Variants in MFSD1 observed in about 807,000 individuals in gnomAD.
The protein encoded by MFSD1 is major facilitator superfamily domain containing 1.
MFSD1 carries 59 observed loss-of-function variants against 67.1 expected under a neutral mutation model. That is an observed-to-expected ratio of 0.88 (90% CI 0.71 to 1.09). The LOEUF is 1.09. MFSD1 is among the 50% of genes least tolerant of loss of function. The pLI is 0.00. For missense variants in MFSD1, 552 were observed against 566.1 expected (o/e 0.97, Z 0.25); for synonymous variants, 213 against 200.3 (o/e 1.06, Z -0.54).
At chr3:158,809,326 C>A in intron 6 of MFSD1, 39 bp downstream of exon 6, 2 of 1,287,094 alleles carry the variant, frequency 1.6e-6, no homozygotes, top group Non-Finnish European at 2.2e-6. Context: ...CAAATGGAAG[C>A]AAAAGATTAA....
At chr3:158,819,312 A>G (rs991020914) in intron 7 of MFSD1, among the ~76,000 whole-genome samples, 1 of 152,198 alleles carries the variant, frequency 6.6e-6, no homozygotes, top group Non-Finnish European at 1.5e-5. Flanking sequence ...CTTAGACTGA[A>G]TGAAGAAATG....
intron 1 of MFSD1, 74 bp from the exon 2 acceptor site, chr3:158,804,244 AT>A: frequency 9.6e-7 from 1 of 1,046,646 alleles, no homozygotes; most frequent in Non-Finnish European, 1.4e-6. Context: ...TAAAATTGTA[AT>A]TTCAGTAGCA....
At chr3:158,802,362 C>A (rs1404175799) in intron 1 of MFSD1, 47 bp downstream of exon 1, 2 of 1,604,862 alleles carry the variant, frequency 1.2e-6, no homozygotes, top group Admixed American at 1.7e-5. Flanking sequence ...GAATTCCCGA[C>A]TTTCTCTTCG....
chr3:158,824,536 T>C, intron 13 of MFSD1: 1 of 214,556 alleles, frequency 4.7e-6, no homozygotes, highest in African/African-American at 2.3e-5. Flanking sequence ...TTAATGTGAC[T>C]ATGTGGAAAC....
chr3:158,826,914 C>T (rs554949063), intron 14 of MFSD1, among the ~76,000 whole-genome samples: 33 of 152,126 alleles, frequency 2.2e-4, no homozygotes, highest in Admixed American at 3.3e-4. Flanking sequence ...GCAATCCTCC[C>T]GCCTTAGCCT....
chr3:158,820,374 G>C (rs1388242741), intron 9 of MFSD1, 48 bp downstream of exon 9: 2 of 1,256,276 alleles, frequency 1.6e-6, no homozygotes, highest in African/African-American at 2.9e-5. Context: ...ATTATCATGA[G>C]AGTTCAATCA....
Position 158,813,296 on chromosome 3 carries a change from C to T in MFSD1, c.550-669C>T, listed in dbSNP as rs542911278. Among the ~76,000 whole-genome samples the T allele has an allele frequency of 5.3e-4, 80 of 151,806 alleles. 1 individual carries two copies. In the Middle Eastern group the frequency reaches 0.01, roughly 19 times the overall value. ...CTGAGTAGCTGGGATTACAGGTGCCCGTCACCATGCCTGGCTAATTTTTGT... is the reference window on the plus strand; with the variant it reads ...CTGAGTAGCTGGGATTACAGGTGCCTGTCACCATGCCTGGCTAATTTTTGT... On this transcript the variant is annotated intron_variant, in intron 6 of 15. Transcript: ENST00000415822.
At chr3:158,824,615 G>A (rs1045703439) in intron 13 of MFSD1, 8 of 155,614 alleles carry the variant, frequency 5.1e-5, no homozygotes, top group African/African-American at 1.7e-4. Context: ...TTTATTTTTA[G>A]TCCGTAATTT....
At chr3:158,814,761 A>C (rs916265111) in intron 7 of MFSD1, among the ~76,000 whole-genome samples, 1 of 152,198 alleles carries the variant, frequency 6.6e-6, no homozygotes, top group Non-Finnish European at 1.5e-5. Flanking sequence ...GAACAACCTG[A>C]GAATTTATTC....
chr3:158,809,153 G>GTT (rs368154012), intron 5 of MFSD1, 26 bp from the exon 6 acceptor site: 8,673 of 1,188,826 alleles, frequency 7.3e-3, no homozygotes, highest in South Asian at 0.015. Flanking sequence ...GTGACTTCTG[G>GTT]TTTTTTTTTT....
chr3:158,820,374 G>A, intron 9 of MFSD1, 48 bp downstream of exon 9: 1 of 1,256,394 alleles, frequency 8.0e-7, no homozygotes, highest in Non-Finnish European at 1.2e-6. Context: ...ATTATCATGA[G>A]AGTTCAATCA....
At chr3:158,813,012 C>T (rs186923658) in intron 6 of MFSD1, among the ~76,000 whole-genome samples, 1 of 152,090 alleles carries the variant, frequency 6.6e-6, no homozygotes, top group East Asian at 1.9e-4. Context: ...AGTTGGGAGG[C>T]CTCCACTCCC....
intron 3 of MFSD1, 63 bp from the exon 4 acceptor site, chr3:158,806,977 C>A: frequency 7.0e-7 from 1 of 1,433,956 alleles, no homozygotes; most frequent in Non-Finnish European, 9.6e-7. Context: ...CTAATGTAAA[C>A]AGAAATTAAG....
At chr3:158,823,342 T>C (rs1730772680) in intron 11 of MFSD1, 86 bp from the exon 12 acceptor site, 4 of 902,760 alleles carry the variant, frequency 4.4e-6, no homozygotes, top group Non-Finnish European at 7.5e-6. Flanking sequence ...TATTAACTAC[T>C]CTGTCACTTT....
chr3:158,819,620 G>C, intron 7 of MFSD1, 29 bp from the exon 8 acceptor site: 1 of 1,194,602 alleles, frequency 8.4e-7, no homozygotes. Flanking sequence ...TTCAAAGTCT[G>C]TTTTTCTTTT....
At chr3:158,812,452 A>G (rs1468506753) in intron 6 of MFSD1, among the ~76,000 whole-genome samples, 4 of 152,148 alleles carry the variant, frequency 2.6e-5, no homozygotes, top group East Asian at 1.9e-4. Flanking sequence ...CACCTCCTCA[A>G]GATCTCCCTA....
intron 1 of MFSD1, among the ~76,000 whole-genome samples, chr3:158,803,942 C>G (rs1017987104): frequency 2.0e-5 from 3 of 151,998 alleles, no homozygotes; most frequent in Non-Finnish European, 2.9e-5. Context: ...TATTAGGAAA[C>G]TGATGAGGTT....
chr3:158,806,765 A>G (rs1729746174), intron 3 of MFSD1, among the ~76,000 whole-genome samples: 1 of 152,158 alleles, frequency 6.6e-6, no homozygotes, highest in Non-Finnish European at 1.5e-5. Flanking sequence ...AGAGATGATA[A>G]TGATTTAAAC....
At chr3:158,820,168 T>C in intron 8 of MFSD1, 47 bp from the exon 9 acceptor site, 2 of 1,014,488 alleles carry the variant, frequency 2.0e-6, no homozygotes, top group Non-Finnish European at 3.1e-6. Context: ...GAAAGCTCCT[T>C]AGGTATGCAA....
Sources: gnomAD v4.1 joint callset for allele counts (sites outside exome capture counted in the v4.1 genomes callset) on GRCh38, gnomAD v4.1.1 for gene constraint, MANE v1.5 for transcripts, NCBI Gene and HGNC (gene_info 2026-07-23, HGNC 2026-07-21) for gene names.